TRAPPC9: variants seen among roughly 807,000 people sequenced by gnomAD.
TRAPPC9 encodes the protein IKK2 binding protein.
A neutral mutation model predicts 124.0 loss-of-function variants in TRAPPC9; 83 were observed. That is an observed-to-expected ratio of 0.67 (90% CI 0.56 to 0.80). The LOEUF is 0.80. TRAPPC9 is among the 30% of genes least tolerant of loss of function. The pLI is 0.00. For synonymous variants in TRAPPC9, 638 were observed against 617.5 expected (o/e 1.03, Z -0.49); for missense variants, 1,302 against 1,508.3 (o/e 0.86, Z 2.27).
chr8:140,020,811 T>C (rs1381930106), intron 18 of TRAPPC9, among the ~76,000 whole-genome samples: 1 of 152,252 alleles, frequency 6.6e-6, no homozygotes, highest in Non-Finnish European at 1.5e-5. Context: ...TCAGTTTTAC[T>C]ATGAAGTTAT....
chr8:140,116,320 C>T (rs2060887363), intron 17 of TRAPPC9, among the ~76,000 whole-genome samples: 2 of 152,130 alleles, frequency 1.3e-5, no homozygotes, highest in Admixed American at 1.3e-4. Context: ...TTAAAAGAGT[C>T]CATGGCCAAC....
chr8:139,969,859 A>G (rs1835949510), intron 19 of TRAPPC9, among the ~76,000 whole-genome samples: 2 of 152,204 alleles, frequency 1.3e-5, no homozygotes, highest in South Asian at 4.1e-4. Flanking sequence ...AACTAACACA[A>G]ATTAAATGAC....
chr8:139,737,279 G>A (rs1818239541), intron 21 of TRAPPC9, among the ~76,000 whole-genome samples: 1 of 152,196 alleles, frequency 6.6e-6, no homozygotes, highest in Admixed American at 6.5e-5. Context: ...GGTGCCTCCT[G>A]GGGGACCCGC....
chr8:140,021,562 T>C (rs902041046), intron 18 of TRAPPC9, among the ~76,000 whole-genome samples: 4 of 152,226 alleles, frequency 2.6e-5, no homozygotes, highest in Non-Finnish European at 5.9e-5. Flanking sequence ...CTCCTTTATA[T>C]AGCTTCCGGT....
rs1396897449 is a variant in TRAPPC9 at position 140,439,215 on chromosome 8, ATGTATCT to A, written c.585-25_585-19del. The A allele has an allele frequency of 1.9e-6, 3 of 1,613,538 alleles. No homozygotes were observed. The highest frequency in any genetic ancestry group is 2.5e-6 in the Non-Finnish European group (3 of 1,179,884). ...TGTAATGTCTAGAAAATACATGAAA[ATGTATCT>A]TTATTACTATACAACTCCCACCCAG... On this transcript the variant is annotated intron_variant, in intron 2 of 22. Coordinates refer to ENST00000438773, the MANE Select transcript of TRAPPC9 (RefSeq NM_001160372.4).
At chr8:139,756,686 T>A (rs1249081764) in intron 21 of TRAPPC9, among the ~76,000 whole-genome samples, 1 of 129,972 alleles carries the variant, frequency 7.7e-6, no homozygotes, top group Non-Finnish European at 1.6e-5. Flanking sequence ...GGACAGTGTG[T>A]CGCAGGAGGA....
At position 140,360,057 on chromosome 8, in the gene TRAPPC9, C is replaced by A. The variant is rs201180771; in HGVS notation, c.1488G>T (p.Ser496=). The change falls in exon 9 of 23, where the codon TCG becomes TCT. Residue 496 remains serine, a synonymous_variant. Coordinates refer to ENST00000438773, the MANE Select transcript of TRAPPC9 (RefSeq NM_001160372.4). ...FLLQTMLDFL[S]DQEKKDVAQS... is the part of the protein sequence containing the mutation. ...TGGTTTGAGCTCACTCACCCTGATC[C>A]GACAAGAAGTCCAGCATGGTCTGTA... 13 of 1,614,052 alleles carry A rather than the reference C, an allele frequency of 8.1e-6. No homozygotes were observed. Among genetic ancestry groups the A allele is most frequent in the Non-Finnish European group, 1.1e-5 (13 of 1,179,948 alleles).
chr8:140,352,483 G>A (rs1339100642), intron 9 of TRAPPC9, among the ~76,000 whole-genome samples: 2 of 152,138 alleles, frequency 1.3e-5, no homozygotes, highest in Non-Finnish European at 2.9e-5. Context: ...GCTGAACGAG[G>A]AACTGGCAGC....
chr8:139,890,685 T>C (rs1830283920), intron 20 of TRAPPC9, among the ~76,000 whole-genome samples: 1 of 152,286 alleles, frequency 6.6e-6, no homozygotes, highest in East Asian at 1.9e-4. Flanking sequence ...TCTGTTCTCA[T>C]AACCCAGCAC....
At chr8:139,970,052 T>C in intron 19 of TRAPPC9, among the ~76,000 whole-genome samples, 1 of 152,242 alleles carries the variant, frequency 6.6e-6, no homozygotes, top group East Asian at 1.9e-4. Context: ...GCAATTTTTC[T>C]TGGCCATAAA....
chr8:139,734,437 C>T (rs1399502084), intron 21 of TRAPPC9, among the ~76,000 whole-genome samples: 3 of 152,180 alleles, frequency 2.0e-5, no homozygotes, highest in Admixed American at 6.5e-5. Context: ...CTGATGCACA[C>T]CTTTTTATAT....
intron 10 of TRAPPC9, among the ~76,000 whole-genome samples, chr8:140,304,441 T>G (rs2066068018): frequency 6.6e-6 from 1 of 152,040 alleles, no homozygotes; most frequent in South Asian, 2.1e-4. Context: ...TTTCCGGGCA[T>G]AGGACGTTGA....
At chr8:140,439,351 ATG>A (rs772024085) in intron 2 of TRAPPC9, among the ~76,000 whole-genome samples, 154 bp from the exon 3 acceptor site, 2 of 152,198 alleles carry the variant, frequency 1.3e-5, no homozygotes, top group Non-Finnish European at 2.9e-5. Flanking sequence ...ATTGCCAGTT[ATG>A]TGAGCTGGAG....
intron 17 of TRAPPC9, among the ~76,000 whole-genome samples, chr8:140,120,570 ACATC>A (rs1170369788): frequency 2.7e-5 from 4 of 149,958 alleles, no homozygotes; most frequent in South Asian, 4.2e-4. Context: ...CATCCATCCA[ACATC>A]CATCCATCCA....
chr8:140,066,102 G>A (rs1293853672), intron 17 of TRAPPC9, among the ~76,000 whole-genome samples: 2 of 152,232 alleles, frequency 1.3e-5, no homozygotes, highest in African/African-American at 4.8e-5. Flanking sequence ...TGTGGAAGAA[G>A]TTGAATCCAG....
intron 21 of TRAPPC9, among the ~76,000 whole-genome samples, chr8:139,747,255 C>A (rs916948505): frequency 1.7e-4 from 26 of 152,186 alleles, no homozygotes; most frequent in Non-Finnish European, 1.3e-4. Context: ...AATGCCAACC[C>A]AGTCTCAGAC....
intron 17 of TRAPPC9, among the ~76,000 whole-genome samples, chr8:140,028,981 T>C (rs1386957877): frequency 1.5e-4 from 23 of 152,124 alleles, no homozygotes; most frequent in Non-Finnish European, 3.1e-4. Context: ...ATCCTCTAAG[T>C]TGATCAAGGA....
At chr8:140,271,907 G>C (rs565622001) in intron 15 of TRAPPC9, among the ~76,000 whole-genome samples, 1 of 152,166 alleles carries the variant, frequency 6.6e-6, no homozygotes, top group Non-Finnish European at 1.5e-5. Flanking sequence ...AATAGTGGCA[G>C]TGGTGGTGGT....
rs74714249 is a variant in TRAPPC9, at chr8:139,935,563, A to G, written c.2811-25263T>C. 4.1e-3 allele frequency among the ~76,000 whole-genome samples: 622 copies of G among 152,110 alleles called. 4 individuals carry two copies. The highest frequency in any genetic ancestry group is 0.014 in the African/African-American group (579 of 41,504). ...TATAAAAAAGAGAGAAGAGGATGGT[A>G]TCTAGCTTCCTTCCCAGAGCTCCAA... On this transcript the variant is annotated intron_variant, in intron 19 of 22. Transcript: ENST00000438773.
Sources: allele counts gnomAD v4.1 joint callset (sites outside exome capture counted in the v4.1 genomes callset), GRCh38; gene constraint gnomAD v4.1.1; transcripts MANE v1.5; gene names NCBI Gene and HGNC (gene_info 2026-07-23, HGNC 2026-07-21).